The following CHODL variants were observed in gnomAD, a reference collection of about 807,000 sequenced individuals.
The protein encoded by CHODL is chondrolectin, also known as transmembrane protein MT75.
Under a neutral mutation model 34.5 loss-of-function variants are expected in CHODL, and 29 were observed. The observed-to-expected ratio is 0.84, with a 90% CI of 0.63 to 1.15. The LOEUF is 1.15. Ranked by LOEUF, CHODL falls within the 50% of genes most tolerant of loss-of-function variation. The pLI is 0.00. For synonymous variants in CHODL, 125 were observed against 116.1 expected (o/e 1.08, Z -0.49); for missense variants, 332 against 332.5 (o/e 1.00, Z 0.01).
intron 2 of CHODL, among the ~76,000 whole-genome samples, chr21:18,160,305 A>AAGAGT (rs1230493555): frequency 6.6e-6 from 1 of 152,132 alleles, no homozygotes; most frequent in African/African-American, 2.4e-5. Context: ...TTGGGGGTAA[A>AAGAGT]AGAGTATTAT....
chr21:18,219,483 C>A (rs975544867), intron 2 of CHODL, among the ~76,000 whole-genome samples: 2 of 152,072 alleles, frequency 1.3e-5, no homozygotes, highest in African/African-American at 4.8e-5. Flanking sequence ...GGGGACACAG[C>A]CAAACCATAT....
intron 1 of CHODL, among the ~76,000 whole-genome samples, chr21:17,925,657 T>A (rs1600970413): frequency 6.6e-6 from 1 of 152,348 alleles, no homozygotes; most frequent in East Asian, 1.9e-4. Flanking sequence ...AAATTTTAAA[T>A]TCGCCTGCGA....
At chr21:18,007,109 C>T (rs1040610709) in intron 1 of CHODL, among the ~76,000 whole-genome samples, 11 of 151,848 alleles carry the variant, frequency 7.2e-5, no homozygotes, top group Middle Eastern at 6.8e-3. Flanking sequence ...TCAAAGAATA[C>T]GTGTGGAATT....
At chr21:18,076,503 A>G (rs1168086753) in intron 2 of CHODL, among the ~76,000 whole-genome samples, 5 of 152,178 alleles carry the variant, frequency 3.3e-5, no homozygotes, top group African/African-American at 1.2e-4. Flanking sequence ...AAAGGCAAGA[A>G]GAGAAAAATG....
intron 2 of CHODL, among the ~76,000 whole-genome samples, chr21:18,063,037 T>G (rs2064688637): frequency 6.6e-6 from 1 of 152,118 alleles, no homozygotes; most frequent in South Asian, 2.1e-4. Flanking sequence ...TATGGCTGGT[T>G]TGATGAGTGT....
chr21:18,198,756 G>A (rs1239658886), intron 2 of CHODL, among the ~76,000 whole-genome samples: 13 of 152,088 alleles, frequency 8.5e-5, no homozygotes, highest in East Asian at 3.9e-4. Flanking sequence ...GGAAAACTTC[G>A]AATAAAGGAA....
intron 2 of CHODL, among the ~76,000 whole-genome samples, chr21:18,120,293 G>A (rs2146575655): frequency 6.6e-6 from 1 of 152,174 alleles, no homozygotes; most frequent in Admixed American, 6.5e-5. Flanking sequence ...AAGACAACAG[G>A]GAAAACTGAA....
At chr21:18,171,038 T>C (rs191478563) in intron 2 of CHODL, among the ~76,000 whole-genome samples, 2 of 151,472 alleles carry the variant, frequency 1.3e-5, no homozygotes, top group African/African-American at 2.4e-5. Flanking sequence ...TTTTGCTGAG[T>C]GTGGTATTTT....
At chr21:17,950,169 A>G (rs2063444349) in intron 1 of CHODL, among the ~76,000 whole-genome samples, 1 of 152,156 alleles carries the variant, frequency 6.6e-6, no homozygotes, top group South Asian at 2.1e-4. Context: ...CCAGTTTGAG[A>G]TACATTTCTA....
intron 1 of CHODL, chr21:18,246,062 A>C (rs2074138091): frequency 2.4e-6 from 2 of 828,774 alleles, no homozygotes; most frequent in South Asian, 2.9e-5. Flanking sequence ...TCTTTTTTTG[A>C]CTCTCACTGT....
intron 1 of CHODL, among the ~76,000 whole-genome samples, chr21:17,942,997 A>G (rs2063377997): frequency 6.6e-6 from 1 of 152,012 alleles, no homozygotes; most frequent in African/African-American, 2.4e-5. Context: ...CTTCCTCTTC[A>G]CTTTTTGCCA....
At chr21:18,109,990 A>G (rs1212863473) in intron 2 of CHODL, among the ~76,000 whole-genome samples, 1 of 152,176 alleles carries the variant, frequency 6.6e-6, no homozygotes, top group African/African-American at 2.4e-5. Flanking sequence ...CAAAGCCAAC[A>G]AGGGGAAAAA....
rs762990377 is a variant in CHODL, at chr21:18,257,053, G to A, written c.473G>A (p.Gly158Glu). Residue 158 changes from glycine to glutamate, a missense_variant, in exon 3 of 6, where the codon GGG becomes GAG. By Grantham distance (98) the Gly-to-Glu change is moderately conservative (BLOSUM62 -2). Transcript: ENST00000299295. ...YHQPTANPGL[G>E]GPYLYQWNDD... is the part of the protein sequence containing the mutation. ...CAACCAACTGCCAATCCTGGCCTTG[G>A]GGGTCCCTACCTTTACCAGTGGAAT... 1 of 1,613,980 alleles carries A rather than the reference G, an allele frequency of 6.2e-7. No individual in the cohort carries two copies. The highest frequency in any genetic ancestry group is 1.1e-5 in the South Asian group (1 of 91,082).
intron 2 of CHODL, among the ~76,000 whole-genome samples, chr21:18,075,976 C>T (rs2146506397): frequency 6.6e-6 from 1 of 152,316 alleles, no homozygotes; most frequent in East Asian, 1.9e-4. Context: ...GTGAGCCCTT[C>T]CCAGACACTG....
chr21:18,156,063 G>GTA (rs1258438226), intron 2 of CHODL, among the ~76,000 whole-genome samples: 2 of 152,186 alleles, frequency 1.3e-5, no homozygotes, highest in African/African-American at 2.4e-5. Flanking sequence ...CTCTGCTGAA[G>GTA]TATGACCTGA....
rs148189327 is a variant in CHODL, at chr21:17,917,954, T to C, written c.-145+554T>C. ...AACTCTAAAGGAGGTGATGAACAAT[T>C]AGACAAGTAGTTATAATAAATGTGC... On this transcript the variant is annotated intron_variant, in intron 1 of 6. Transcript: ENST00000400127. 8.0e-3 allele frequency among the ~76,000 whole-genome samples: 1,215 copies of C among 151,944 alleles called. 18 individuals carry two copies. Among genetic ancestry groups the C allele is most frequent in the African/African-American group, 0.027 (1,119 of 41,490 alleles).
chr21:18,205,378 G>A (rs967003809), intron 2 of CHODL, among the ~76,000 whole-genome samples: 2 of 152,114 alleles, frequency 1.3e-5, no homozygotes, highest in Non-Finnish European at 2.9e-5. Context: ...TTGATATGAT[G>A]TATGACATTG....
Position 17,918,582 on chromosome 21 carries a change from A to T in CHODL, c.-145+1182A>T, listed in dbSNP as rs142640366. On this transcript the variant is annotated intron_variant, in intron 1 of 6. Coordinates refer to the CHODL transcript ENST00000400127. ...CACTTCCCCCCGGGTTCCTCCTAGG[A>T]CACATGGGAATTGTGGGAGTTGCAA... Among the ~76,000 whole-genome samples, 1,211 of 152,256 alleles carry T rather than the reference A, an allele frequency of 8.0e-3. 18 individuals are homozygous for T. The highest frequency in any genetic ancestry group is 0.027 in the African/African-American group (1,123 of 41,530).
rs553120395 is a variant in CHODL, at chr21:17,975,066, G to A, written c.-144-52806G>A. Among the ~76,000 whole-genome samples, 295 of 152,142 alleles carry A rather than the reference G, an allele frequency of 1.9e-3. 2 individuals are homozygous for A. The highest frequency in any genetic ancestry group is 5.0e-3 in the South Asian group (24 of 4,826). ...TGACAGGCCTGGTGCAGTGGCTCAT[G>A]CCTGTAATCCCAGCACTTTGGAAGG... On this transcript the variant is annotated intron_variant, in intron 1 of 6. Coordinates refer to the CHODL transcript ENST00000400127.
Sources: allele counts gnomAD v4.1 joint callset (sites outside exome capture counted in the v4.1 genomes callset), GRCh38; gene constraint gnomAD v4.1.1; transcripts MANE v1.5; gene names NCBI Gene and HGNC (gene_info 2026-07-23, HGNC 2026-07-21).